Variants in CACHD1 observed in about 807,000 individuals in gnomAD.
The protein encoded by CACHD1 is cache domain containing 1.
In CACHD1, 71 loss-of-function variants were observed where a neutral mutation model predicts 138.7. That is an observed-to-expected ratio of 0.51 (90% CI 0.42 to 0.62). The LOEUF (loss-of-function observed/expected upper bound fraction) is 0.62. Ranked by LOEUF, CACHD1 falls within the 20% of genes least tolerant of loss-of-function variation. CACHD1 has a pLI of 0.00. For synonymous variants in CACHD1, 578 were observed against 591.5 expected, an observed-to-expected ratio of 0.98 and a Z score of 0.33; for missense variants, 1,389 against 1,625.3, an observed-to-expected ratio of 0.85 and a Z score of 2.50.
At chr1:64,584,055 G>A (rs1188550982) in intron 3 of CACHD1, among the ~76,000 whole-genome samples, 2 of 152,078 alleles carry the variant, frequency 1.3e-5, no homozygotes, top group Non-Finnish European at 2.9e-5. Context: ...TAAAATGAGG[G>A]TCCAGTTGGG....
intron 2 of CACHD1, among the ~76,000 whole-genome samples, chr1:64,580,625 G>A (rs886764777): frequency 1.3e-5 from 2 of 152,086 alleles, no homozygotes; most frequent in African/African-American, 4.8e-5. Flanking sequence ...TGCTTAAAAA[G>A]TGATTTTCCA....
In CACHD1 at chr1:64,691,619, GA is replaced by G; in HGVS notation, c.*63del. On this transcript the variant is annotated 3_prime_UTR_variant, in exon 27 of 27. Transcript: ENST00000651257. ...TGGGAGCTACAGAATGTTCTGGAAA[GA>G]AAAAGAACCGGCTTAAAACCCACAG... The G allele has an allele frequency of 2.0e-6, 3 of 1,526,698 alleles. No individual in the cohort carries two copies. Among genetic ancestry groups the G allele is most frequent in the Non-Finnish European group, 1.8e-6 (2 of 1,104,720 alleles). 94.6% of individuals were successfully genotyped at this position (1,526,698 alleles called of 1,614,324 possible).
intron 20 of CACHD1, 26 bp from the exon 21 acceptor site, chr1:64,675,871 A>G (rs1649968980): frequency 2.1e-6 from 3 of 1,451,094 alleles, no homozygotes; most frequent in South Asian, 1.4e-5. Flanking sequence ...GACCTTCTGC[A>G]TAGTAACTTT....
chr1:64,550,565 A>G (rs1407249923), intron 1 of CACHD1, 29 bp from the exon 2 acceptor site: 6 of 1,538,368 alleles, frequency 3.9e-6, no homozygotes, highest in Non-Finnish European at 5.4e-6. Flanking sequence ...TATTTAGAAA[A>G]TCTCATGTTC....
intron 1 of CACHD1, among the ~76,000 whole-genome samples, chr1:64,483,872 C>G (rs900308490): frequency 2.7e-5 from 4 of 145,648 alleles, no homozygotes; most frequent in Non-Finnish European, 4.5e-5. Context: ...CTTCCCCCCC[C>G]CCCTTGCATA....
At position 64,653,768 on chromosome 1, in the gene CACHD1, T is replaced by C. The variant is rs751302618; in HGVS notation, c.1551T>C (p.Leu517=). 1.9e-6 allele frequency: 3 copies of C among 1,613,334 alleles called. No individual in the cohort carries two copies. The Admixed American group carries it at 5.0e-5, about 27-fold the overall frequency. The part of the protein sequence containing the change: ...TFLIDDKGYT[L]MHPSLTRPYL... The stretch of plus-strand genomic sequence containing the variant: ...GTTTTCTTATTGCAGGATATACACT[T>C]ATGCACCCATCTCTTACCAGGCCAT... Residue 517 remains leucine, a synonymous_variant, in exon 11 of 27, where the codon CTT becomes CTC. Transcript: ENST00000651257.
chr1:64,644,572 A>G (rs1648841166), intron 8 of CACHD1, among the ~76,000 whole-genome samples: 1 of 152,224 alleles, frequency 6.6e-6, no homozygotes, highest in East Asian at 1.9e-4. Context: ...TTTCTGTTAC[A>G]GTAATTCCGT....
At chr1:64,595,256 C>T (rs1027963426) in intron 3 of CACHD1, among the ~76,000 whole-genome samples, 1 of 152,084 alleles carries the variant, frequency 6.6e-6, no homozygotes, top group African/African-American at 2.4e-5. Context: ...TTACAGTCTC[C>T]GGTCTCTAGT....
chr1:64,667,396 A>G lies in CACHD1; in HGVS notation c.2387+1229A>G, dbSNP rs189012014. On this transcript the variant is annotated intron_variant, in intron 16 of 26. Coordinates refer to ENST00000651257, the MANE Select transcript of CACHD1 (RefSeq NM_020925.4). Reference sequence around the variant, plus strand: ...GGGAGGCCATAGGTGTGGAATTTCAATATCATGGCCTATGTCTCGTGGAAA... The same window carrying G: ...GGGAGGCCATAGGTGTGGAATTTCAGTATCATGGCCTATGTCTCGTGGAAA... 6.2e-3 allele frequency among the ~76,000 whole-genome samples: 938 copies of G among 152,352 alleles called. 7 individuals are homozygous for G. Among genetic ancestry groups the G allele is most frequent in the Non-Finnish European group, 0.011 (740 of 68,030 alleles).
At chr1:64,512,894 C>A (rs1233924743) in intron 1 of CACHD1, among the ~76,000 whole-genome samples, 1 of 152,116 alleles carries the variant, frequency 6.6e-6, no homozygotes, top group South Asian at 2.1e-4. Context: ...GTAAGATATA[C>A]TTTATATTAG....
intron 1 of CACHD1, among the ~76,000 whole-genome samples, chr1:64,499,194 T>C (rs1429698126): frequency 6.6e-6 from 1 of 152,220 alleles, no homozygotes; most frequent in Non-Finnish European, 1.5e-5. Context: ...TTTCCCAGAC[T>C]GGATGATGTT....
intron 1 of CACHD1, among the ~76,000 whole-genome samples, chr1:64,514,889 TA>T (rs1356408675): frequency 6.6e-6 from 1 of 152,232 alleles, no homozygotes; most frequent in Non-Finnish European, 1.5e-5. Flanking sequence ...TAATTACAAT[TA>T]AATAACCTAT....
chr1:64,618,051 G>A (rs143613199), intron 4 of CACHD1, among the ~76,000 whole-genome samples: 2,465 of 148,666 alleles, frequency 0.017, 42 homozygotes, highest in South Asian at 0.083. Context: ...TTGCGCTCCA[G>A]CTTGGGCAAC....
At chr1:64,478,390 A>G (rs1024870214) in intron 1 of CACHD1, among the ~76,000 whole-genome samples, 3 of 152,222 alleles carry the variant, frequency 2.0e-5, no homozygotes, top group African/African-American at 7.2e-5. Context: ...TATGAACTGC[A>G]TCTACTGCTT....
intron 7 of CACHD1, among the ~76,000 whole-genome samples, chr1:64,640,286 A>C (rs1345701312): frequency 6.6e-6 from 1 of 152,234 alleles, no homozygotes; most frequent in African/African-American, 2.4e-5. Flanking sequence ...GAGCAACCTC[A>C]ACTAAAACAC....
At chr1:64,651,828 G>GA in intron 9 of CACHD1, among the ~76,000 whole-genome samples, 1 of 152,130 alleles carries the variant, frequency 6.6e-6, no homozygotes, top group Non-Finnish European at 1.5e-5. Flanking sequence ...TCACAAAATA[G>GA]AAAAATGTAT....
chr1:64,618,093 A>AT (rs1248758704), intron 4 of CACHD1, among the ~76,000 whole-genome samples: 1 of 151,824 alleles, frequency 6.6e-6, no homozygotes, highest in Non-Finnish European at 1.5e-5. Context: ...AAAAAAAAAA[A>AT]AGTAACCTGT....
intron 8 of CACHD1, among the ~76,000 whole-genome samples, chr1:64,645,610 C>T (rs914723158): frequency 2.0e-5 from 3 of 151,980 alleles, no homozygotes; most frequent in African/African-American, 4.8e-5. Context: ...AGTTTAGTAA[C>T]CAGGTTGGGG....
chr1:64,521,182 G>A (rs931278872), intron 1 of CACHD1, among the ~76,000 whole-genome samples: 3 of 152,142 alleles, frequency 2.0e-5, no homozygotes, highest in African/African-American at 7.2e-5. Context: ...TGTCCTTGCT[G>A]TCGTAGGGCA....
Sources: allele counts gnomAD v4.1 joint callset (sites outside exome capture counted in the v4.1 genomes callset), GRCh38; gene constraint gnomAD v4.1.1; transcripts MANE v1.5; gene names NCBI Gene and HGNC (gene_info 2026-07-23, HGNC 2026-07-21).